Variants in MBNL2 observed in about 807,000 individuals in gnomAD.
The protein encoded by MBNL2 is muscleblind-like protein 2.
A neutral mutation model predicts 41.9 loss-of-function variants in MBNL2; 17 were observed. The observed-to-expected ratio is 0.41, with a 90% CI of 0.28 to 0.61. The LOEUF is 0.61. Ranked by LOEUF, MBNL2 falls within the 20% of genes least tolerant of loss-of-function variation. The pLI is 0.35. For missense variants in MBNL2, 336 were observed against 505.6 expected, an observed-to-expected ratio of 0.66 and a Z score of 3.22; for synonymous variants, 195 against 182.9, an observed-to-expected ratio of 1.07 and a Z score of -0.53.
the MBNL2 span, among the ~76,000 whole-genome samples, chr13:97,143,670 G>T: frequency 1.3e-5 from 2 of 152,178 alleles, no homozygotes; most frequent in East Asian, 1.9e-4. Context: ...TTACAATGCA[G>T]TTACTTCCTA....
At chr13:97,187,440 G>C in the MBNL2 span, among the ~76,000 whole-genome samples, 1 of 151,348 alleles carries the variant, frequency 6.6e-6, no homozygotes, top group East Asian at 1.9e-4. Context: ...AAGCTAAAAG[G>C]TTCAAAAATA....
intron 2 of MBNL2, among the ~76,000 whole-genome samples, chr13:97,325,966 C>A (rs2059880137): frequency 1.4e-5 from 2 of 147,846 alleles, no homozygotes; most frequent in Admixed American, 1.4e-4. Context: ...CCTGTGGTGG[C>A]CTGAAGGTTT....
chr13:97,375,157 G>A (rs768618125), intron 8 of MBNL2, among the ~76,000 whole-genome samples: 9 of 152,154 alleles, frequency 5.9e-5, no homozygotes, highest in Admixed American at 4.6e-4. Flanking sequence ...GCTGCCACAC[G>A]TCAAAGACAC....
chr13:97,347,103 G>C (rs199949683), intron 5 of MBNL2, 36 bp downstream of exon 5: 1 of 1,467,170 alleles, frequency 6.8e-7, no homozygotes, highest in African/African-American at 1.4e-5. Context: ...GCACCCCGGC[G>C]CCTCTGCGGA....
intron 2 of MBNL2, among the ~76,000 whole-genome samples, chr13:97,281,902 C>T (rs1286153920): frequency 6.6e-6 from 1 of 152,200 alleles, no homozygotes; most frequent in Non-Finnish European, 1.5e-5. Flanking sequence ...GAGAAGGGGC[C>T]TCACTCCAGG....
chr13:97,376,780 A>G (rs929954163), intron 8 of MBNL2, among the ~76,000 whole-genome samples: 1 of 152,208 alleles, frequency 6.6e-6, no homozygotes, highest in Non-Finnish European at 1.5e-5. Flanking sequence ...AGTAAGTCTT[A>G]AGAGCAGATT....
Position 97,366,326 on chromosome 13 carries a change from G to A in MBNL2, c.1048+1155G>A. On this transcript the variant is annotated intron_variant, in intron 8 of 8. Coordinates refer to ENST00000679496, the MANE Select transcript of MBNL2 (RefSeq NM_001382683.1). This position sits in a 1 kb window ranked among gnomAD's most constrained non-coding sequence, Gnocchi z 4.7. ...CTCCCATGCTTCCTTGCTTTGCATTGTGATTGCATGCCATCTGCTGGTTTA... is the reference window on the plus strand; with the variant it reads ...CTCCCATGCTTCCTTGCTTTGCATTATGATTGCATGCCATCTGCTGGTTTA... 1.7e-6 allele frequency: 1 copy of A among 578,078 alleles called. No homozygotes were observed. The highest frequency in any genetic ancestry group is 1.9e-5 in the African/African-American group (1 of 53,452). The allele number at this position is 578,078 out of a possible 1,614,324, so 35.8% of individuals were successfully genotyped here.
At chr13:97,235,424 A>G (rs2043087985) in intron 1 of MBNL2, among the ~76,000 whole-genome samples, 1 of 152,168 alleles carries the variant, frequency 6.6e-6, no homozygotes, top group Non-Finnish European at 1.5e-5. Flanking sequence ...AACTGAGAGG[A>G]GTGATTATTT....
Position 97,276,125 on chromosome 13 carries a change from C to T in MBNL2, c.-111C>T. On this transcript the variant is annotated 5_prime_UTR_variant, in exon 2 of 9. Coordinates refer to ENST00000679496, the MANE Select transcript of MBNL2 (RefSeq NM_001382683.1). ...GGACTTCACTAAGCAATTTATCACT[C>T]ACCTTCAGACTTACATGTGGGAGTT... 1 of 787,336 alleles carries T rather than the reference C, an allele frequency of 1.3e-6. No homozygotes were observed. Among genetic ancestry groups the T allele is most frequent in the Non-Finnish European group, 2.1e-6 (1 of 475,120 alleles). 48.8% of individuals were successfully genotyped at this position (787,336 alleles called of 1,614,324 possible). A position where few individuals can be genotyped will look rare whatever the true frequency, so the allele number is the denominator to read the frequency against.
At chr13:97,285,326 A>G (rs1302532992) in intron 2 of MBNL2, among the ~76,000 whole-genome samples, 1 of 152,202 alleles carries the variant, frequency 6.6e-6, no homozygotes, top group African/African-American at 2.4e-5. Context: ...TTAACTAAAC[A>G]AAAGGGGGCA....
chr13:97,373,316 G>T (rs527633532), intron 8 of MBNL2, among the ~76,000 whole-genome samples: 1 of 152,074 alleles, frequency 6.6e-6, no homozygotes, highest in Non-Finnish European at 1.5e-5. Context: ...TAACTGTAGA[G>T]GGGGGATTCA....
At chr13:97,267,289 T>G (rs2050015982) in intron 1 of MBNL2, among the ~76,000 whole-genome samples, 1 of 152,200 alleles carries the variant, frequency 6.6e-6, no homozygotes, top group South Asian at 2.1e-4. Flanking sequence ...CAGTCAAAAG[T>G]GAATGCTTTC....
chr13:97,226,248 G>C (rs1352813944), intron 1 of MBNL2, among the ~76,000 whole-genome samples: 1 of 152,180 alleles, frequency 6.6e-6, no homozygotes, highest in African/African-American at 2.4e-5. Context: ...GTAAACCTGA[G>C]CTCTGAGGCT....
At chr13:97,292,823 C>T (rs2152981531) in intron 2 of MBNL2, among the ~76,000 whole-genome samples, 1 of 151,964 alleles carries the variant, frequency 6.6e-6, no homozygotes, top group East Asian at 1.9e-4. Flanking sequence ...ACATTTTTCT[C>T]AGGGAATTAT....
intron 8 of MBNL2, among the ~76,000 whole-genome samples, chr13:97,368,995 T>G (rs1023779431): frequency 2.4e-4 from 35 of 144,802 alleles, no homozygotes; most frequent in Non-Finnish European, 4.4e-4. Flanking sequence ...GGATTGCACT[T>G]AAATGATGAA....
chr13:97,144,423 C>CTTTTTTTTTTTT, the MBNL2 span, among the ~76,000 whole-genome samples: 168 of 118,032 alleles, frequency 1.4e-3, 8 homozygotes, highest in East Asian at 5.1e-3. Flanking sequence ...CATGATACTT[C>CTTTTTTTTTTTT]TTTTTTTTTT....
At chr13:97,249,399 GTTTTA>G (rs541088779) in intron 1 of MBNL2, among the ~76,000 whole-genome samples, 1 of 152,226 alleles carries the variant, frequency 6.6e-6, no homozygotes, top group South Asian at 2.1e-4. Flanking sequence ...AATGTTTTTA[GTTTTA>G]TTTTATTTTC....
intron 3 of MBNL2, among the ~76,000 whole-genome samples, chr13:97,335,896 A>G (rs756338241): frequency 6.6e-6 from 1 of 152,224 alleles, no homozygotes; most frequent in Non-Finnish European, 1.5e-5. Flanking sequence ...TCACATATAA[A>G]CTATTTTATT....
intron 1 of MBNL2, among the ~76,000 whole-genome samples, chr13:97,247,816 G>T (rs1291630004): frequency 6.6e-6 from 1 of 152,024 alleles, no homozygotes; most frequent in East Asian, 1.9e-4. Flanking sequence ...CCAATTAATT[G>T]CTCTACCTGT....
Sources: allele counts gnomAD v4.1 joint callset (sites outside exome capture counted in the v4.1 genomes callset), GRCh38; gene constraint gnomAD v4.1.1; non-coding constraint Gnocchi (gnomAD v3.1); transcripts MANE v1.5; gene names NCBI Gene and HGNC (gene_info 2026-07-23, HGNC 2026-07-21).